Variants in NRXN1 observed in about 807,000 individuals in gnomAD.
NRXN1 encodes the protein neurexin 1, also known as neurexin-1.
A neutral mutation model predicts 150.9 loss-of-function variants in NRXN1; 39 were observed. That is an observed-to-expected ratio of 0.26 (90% CI 0.20 to 0.34). NRXN1 has a LOEUF of 0.34. Among genes scored for constraint, NRXN1 ranks in the 10% least tolerant of loss-of-function variants. The pLI is 1.00. For synonymous variants in NRXN1, 924 were observed against 757.0 expected, an observed-to-expected ratio of 1.22 and a Z score of -3.62; for missense variants, 1,815 against 1,949.9, an observed-to-expected ratio of 0.93 and a Z score of 1.30.
chr2:50,410,809 A>G (rs1354572335), intron 17 of NRXN1, among the ~76,000 whole-genome samples: 4 of 152,226 alleles, frequency 2.6e-5, no homozygotes, highest in Non-Finnish European at 5.9e-5. Context: ...CCCACTTTGA[A>G]GAGAGACCAG....
chr2:50,330,725 T>C (rs1470682721), intron 17 of NRXN1, among the ~76,000 whole-genome samples: 3 of 152,222 alleles, frequency 2.0e-5, no homozygotes, highest in Non-Finnish European at 4.4e-5. Context: ...GGAAAACTTG[T>C]TCAGTTTCTC....
chr2:50,754,765 T>G (rs1352865747), intron 5 of NRXN1, among the ~76,000 whole-genome samples: 1 of 151,930 alleles, frequency 6.6e-6, no homozygotes, highest in Non-Finnish European at 1.5e-5. Context: ...CAGCTTGTTC[T>G]ACTTTTAAGC....
At chr2:50,137,048 T>C (rs904374855) in intron 18 of NRXN1, among the ~76,000 whole-genome samples, 2 of 152,200 alleles carry the variant, frequency 1.3e-5, no homozygotes, top group African/African-American at 2.4e-5. Context: ...AGTTGAGTAT[T>C]TGGCTTTGAT....
chr2:50,625,243 C>T (rs575502379), intron 5 of NRXN1, among the ~76,000 whole-genome samples: 13 of 152,038 alleles, frequency 8.6e-5, no homozygotes, highest in Non-Finnish European at 1.8e-4. Flanking sequence ...GATGATCTGC[C>T]TTCCTGGATG....
chr2:50,600,845 C>A (rs1008052446), intron 8 of NRXN1, among the ~76,000 whole-genome samples: 1 of 151,896 alleles, frequency 6.6e-6, no homozygotes, highest in African/African-American at 2.4e-5. Context: ...CATTAAAGCT[C>A]TGGTATGAAT....
intron 21 of NRXN1, among the ~76,000 whole-genome samples, chr2:49,956,549 A>G (rs1270438044): frequency 6.6e-6 from 1 of 152,074 alleles, no homozygotes; most frequent in East Asian, 1.9e-4. Context: ...CCCAACTCCC[A>G]GAGGAGCTAC....
chr2:50,586,793 T>C (rs1327800557), intron 8 of NRXN1, among the ~76,000 whole-genome samples: 2 of 152,150 alleles, frequency 1.3e-5, no homozygotes, highest in Non-Finnish European at 2.9e-5. Context: ...TTTGGGAATG[T>C]AGAGGTACAG....
At chr2:51,003,329 G>A (rs973938874) in intron 2 of NRXN1, among the ~76,000 whole-genome samples, 3 of 151,886 alleles carry the variant, frequency 2.0e-5, no homozygotes, top group South Asian at 2.1e-4. Context: ...AAAAACGAAC[G>A]TAAGGAATAT....
At chr2:50,246,040 T>C (rs1218968800) in intron 17 of NRXN1, among the ~76,000 whole-genome samples, 2 of 152,022 alleles carry the variant, frequency 1.3e-5, no homozygotes, top group Non-Finnish European at 2.9e-5. Context: ...CTAATGATGC[T>C]TCCCTAGTCT....
At chr2:50,190,698 C>T (rs2061389602) in intron 18 of NRXN1, among the ~76,000 whole-genome samples, 1 of 151,168 alleles carries the variant, frequency 6.6e-6, no homozygotes, top group East Asian at 2.0e-4. Context: ...TGGCAACCTC[C>T]ACCTCCCAAG....
chr2:50,109,065 A>C (rs1702033604), intron 18 of NRXN1, among the ~76,000 whole-genome samples: 1 of 152,162 alleles, frequency 6.6e-6, no homozygotes, highest in Admixed American at 6.5e-5. Context: ...TTAAAATGTG[A>C]GTTTAATGAA....
intron 2 of NRXN1, among the ~76,000 whole-genome samples, chr2:50,957,618 A>G (rs774141182): frequency 6.6e-6 from 1 of 152,166 alleles, no homozygotes; most frequent in Non-Finnish European, 1.5e-5. Context: ...CTGCGGCTTT[A>G]TCATATGTAT....
chr2:50,559,059 G>C (rs905915786), intron 8 of NRXN1, among the ~76,000 whole-genome samples: 1 of 152,102 alleles, frequency 6.6e-6, no homozygotes. Context: ...TCCAGCCTGG[G>C]TGACAGAGTG....
chr2:50,272,049 C>G (rs2069745836), intron 17 of NRXN1, among the ~76,000 whole-genome samples: 1 of 152,058 alleles, frequency 6.6e-6, no homozygotes, highest in Admixed American at 6.6e-5. Flanking sequence ...ACTCAAAGTG[C>G]TTGGAATTGG....
intron 15 of NRXN1, among the ~76,000 whole-genome samples, chr2:50,493,840 C>T (rs551372563): frequency 1.3e-5 from 2 of 152,160 alleles, no homozygotes; most frequent in African/African-American, 4.8e-5. Context: ...TTTAATTGTG[C>T]TTTTTAAAAA....
chr2:50,519,238 CCTT>C (rs2092713539), intron 12 of NRXN1, among the ~76,000 whole-genome samples: 1 of 151,754 alleles, frequency 6.6e-6, no homozygotes, highest in East Asian at 1.9e-4. Flanking sequence ...TTAGCTAAAC[CCTT>C]CTTTATTTGA....
At chr2:50,248,987 CT>C (rs111366889) in intron 17 of NRXN1, among the ~76,000 whole-genome samples, 2,359 of 134,372 alleles carry the variant, frequency 0.018, 45 homozygotes, top group African/African-American at 0.05. Context: ...TCTTTACAAA[CT>C]TTTTTTTTTT....
intron 17 of NRXN1, among the ~76,000 whole-genome samples, chr2:50,432,564 T>C (rs957769311): frequency 6.6e-6 from 1 of 152,222 alleles, no homozygotes; most frequent in South Asian, 2.1e-4. Context: ...AAAGCCAGTC[T>C]GGATTGCTCA....
intron 22 of NRXN1, among the ~76,000 whole-genome samples, chr2:49,936,578 G>A (rs1186404526): frequency 1.3e-5 from 2 of 152,160 alleles, no homozygotes; most frequent in East Asian, 3.9e-4. Flanking sequence ...AATTTCCCAA[G>A]ACCAGGAAAG....
Sources: gnomAD v4.1 joint callset for allele counts (sites outside exome capture counted in the v4.1 genomes callset) on GRCh38, gnomAD v4.1.1 for gene constraint, MANE v1.5 for transcripts, NCBI Gene and HGNC (gene_info 2026-07-23, HGNC 2026-07-21) for gene names.